Variants in INTS8 observed in about 807,000 individuals in gnomAD.
INTS8 encodes protein kaonashi-1.
INTS8 carries 47 observed loss-of-function variants against 138.9 expected under a neutral mutation model. The ratio of observed to expected loss-of-function variants is 0.34; its 90% CI spans 0.27 to 0.43. INTS8 has a LOEUF of 0.43. Ranked by LOEUF, INTS8 falls within the 20% of genes least tolerant of loss-of-function variation. INTS8 has a pLI of 1.00. For missense variants in INTS8, 996 were observed against 1,173.0 expected (o/e 0.85, Z 2.20); for synonymous variants, 392 against 400.9 (o/e 0.98, Z 0.27).
At position 94,849,517 on chromosome 8, in the gene INTS8, T is replaced by C; in HGVS notation, c.1316T>C (p.Met439Thr). ...GCTTCAGAGTCTTTGAAAGGAAACA[T>C]GGCTGCTTTTCTAAAGTAAGTACCT... ...EKASESLKGN[M>T]AAFLKNVCLG... The change falls in exon 11 of 27, where the codon ATG becomes ACG. Residue 439 changes from methionine to threonine, a missense_variant. By Grantham distance (81) the Met-to-Thr change is moderately conservative. Coordinates refer to ENST00000523731, the MANE Select transcript of INTS8 (RefSeq NM_017864.4). 1 of 1,561,256 alleles carries C rather than the reference T, an allele frequency of 6.4e-7. No individual in the cohort carries two copies.
chr8:94,872,150 C>T, intron 21 of INTS8, 148 bp downstream of exon 21: 1 of 550,516 alleles, frequency 1.8e-6, no homozygotes, highest in Non-Finnish European at 3.2e-6. Flanking sequence ...AGTATTTGTA[C>T]TTTTTTTTAG....
rs1816765064 is a variant in INTS8 at position 94,880,458 on chromosome 8, T to G, written c.*224T>G. ...AGGGAGAAGAGATTCACATATCTGA[T>G]AACAAAATAAACTAGCAATCTAGTT... is the stretch of plus-strand genomic sequence containing the variant. On this transcript the variant is annotated 3_prime_UTR_variant, in exon 27 of 27. Transcript: ENST00000523731. The G allele has an allele frequency of 3.1e-6, 1 of 324,198 alleles. No individual in the cohort carries two copies. The highest frequency in any genetic ancestry group is 5.5e-6 in the Non-Finnish European group (1 of 181,106). The allele number at this position is 324,198 out of a possible 1,614,324, so 20.1% of individuals were successfully genotyped here.
intron 15 of INTS8, among the ~76,000 whole-genome samples, chr8:94,857,233 T>A (rs906916723): frequency 2.0e-5 from 3 of 151,936 alleles, no homozygotes; most frequent in Admixed American, 6.6e-5. Flanking sequence ...CCATCATGCC[T>A]GGCTAATTTT....
intron 10 of INTS8, among the ~76,000 whole-genome samples, chr8:94,847,671 T>C (rs1815380622): frequency 6.6e-6 from 1 of 152,158 alleles, no homozygotes; most frequent in South Asian, 2.1e-4. Flanking sequence ...TTAAAGCATC[T>C]ACAGAGATGC....
At chr8:94,878,440 A>C (rs1166768631) in intron 26 of INTS8, among the ~76,000 whole-genome samples, 1 of 152,192 alleles carries the variant, frequency 6.6e-6, no homozygotes, top group East Asian at 1.9e-4. Context: ...GCTAGCTTAA[A>C]ATTCCTATTT....
chr8:94,823,601 A>C, intron 1 of INTS8, 40 bp downstream of exon 1: 2 of 1,460,474 alleles, frequency 1.4e-6, no homozygotes, highest in Non-Finnish European at 9.2e-7. Context: ...GGACCCGGCC[A>C]CCGGCGCTGT....
chr8:94,828,166 A>G (rs1184460064), intron 4 of INTS8, among the ~76,000 whole-genome samples: 4 of 151,838 alleles, frequency 2.6e-5, no homozygotes, highest in African/African-American at 7.3e-5. Context: ...CAGCCTCCCA[A>G]GTAGCTGGGA....
intron 14 of INTS8, among the ~76,000 whole-genome samples, chr8:94,855,837 G>C (rs1815727589): frequency 6.6e-6 from 1 of 152,248 alleles, no homozygotes; most frequent in Admixed American, 6.5e-5. Flanking sequence ...TCGAGAGTCA[G>C]AGAACAAGTG....
Position 94,849,408 on chromosome 8 carries a change from A to T in INTS8, c.1261-54A>T, listed in dbSNP as rs1586494701. The T allele has an allele frequency of 2.0e-5, 18 of 905,630 alleles. No individual in the cohort carries two copies. In the East Asian group the frequency reaches 4.3e-4, roughly 22 times the overall value. The allele number at this position is 905,630 out of a possible 1,614,324, so 56.1% of individuals were successfully genotyped here. ...TTTAAATCCAGCCTTTTCAAATTAT[A>T]ATTTACATTTTTATAAGTACCCATA... is the stretch of plus-strand genomic sequence containing the variant. On this transcript the variant is annotated intron_variant, in intron 10 of 26. Transcript: ENST00000523731.
intron 20 of INTS8, chr8:94,868,660 T>G (rs1443596595): frequency 6.6e-6 from 1 of 151,358 alleles, no homozygotes; most frequent in African/African-American, 2.4e-5. Flanking sequence ...TTTCTTTTCT[T>G]TTCTTTTCTC....
At chr8:94,848,238 C>G (rs1254544909) in intron 10 of INTS8, among the ~76,000 whole-genome samples, 2 of 152,082 alleles carry the variant, frequency 1.3e-5, no homozygotes, top group Non-Finnish European at 2.9e-5. Context: ...ATCTGGAACT[C>G]TTGACCTCAG....
rs199760556 is a variant in INTS8, at chr8:94,873,522, A to G, written c.2637+45A>G. 2,192 of 1,246,300 alleles carry G rather than the reference A, an allele frequency of 1.8e-3. 7 individuals carry two copies. Among genetic ancestry groups the G allele is most frequent in the Non-Finnish European group, 2.4e-3 (2,024 of 847,896 alleles). The allele number at this position is 1,246,300 out of a possible 1,614,324, so 77.2% of individuals were successfully genotyped here. A position where few individuals can be genotyped will look rare whatever the true frequency, so the allele number is the denominator to read the frequency against. ...TGGCTGGTTTCTTGCCTACCTGTAT[A>G]TGTTCTTCCTGGGTCCCCTTTTGGC... On this transcript the variant is annotated intron_variant, in intron 22 of 26. Transcript: ENST00000523731.
At position 94,873,663 on chromosome 8, in the gene INTS8, C is replaced by G. The variant is rs147549525; in HGVS notation, c.2637+186C>G. ...TCTAGCACCTATTGCTGTCTTGATT[C>G]CCCCAAAACACCTCAAATTCAACTT... On this transcript the variant is annotated intron_variant, in intron 22 of 26. Coordinates refer to ENST00000523731, the MANE Select transcript of INTS8 (RefSeq NM_017864.4). 64 of 521,790 alleles carry G rather than the reference C, an allele frequency of 1.2e-4. 1 individual carries two copies. The Middle Eastern group carries it at 1.3e-3, about 11-fold the overall frequency. The allele number at this position is 521,790 out of a possible 1,614,324, so 32.3% of individuals were successfully genotyped here. A position where few individuals can be genotyped will look rare whatever the true frequency, so the allele number is the denominator to read the frequency against.
intron 6 of INTS8, among the ~76,000 whole-genome samples, chr8:94,836,150 A>G (rs1268287115): frequency 6.6e-6 from 1 of 152,138 alleles, no homozygotes; most frequent in Non-Finnish European, 1.5e-5. Flanking sequence ...TGCTGCTTTC[A>G]GGGTCTGGTC....
At chr8:94,865,457 G>A in intron 16 of INTS8, 49 bp from the exon 17 acceptor site, 1 of 1,457,668 alleles carries the variant, frequency 6.9e-7, no homozygotes, top group Non-Finnish European at 9.5e-7. Context: ...GAACTAATGT[G>A]CACGACATTA....
At chr8:94,830,404 G>C (rs1814669180) in intron 5 of INTS8, among the ~76,000 whole-genome samples, 1 of 152,200 alleles carries the variant, frequency 6.6e-6, no homozygotes, top group South Asian at 2.1e-4. Context: ...GGAAGCCAAA[G>C]CCTACATCAT....
chr8:94,829,157 C>CG (rs1169765428), intron 5 of INTS8, 131 bp downstream of exon 5: 5 of 648,952 alleles, frequency 7.7e-6, no homozygotes, highest in Non-Finnish European at 8.1e-6. Flanking sequence ...GTGTGGGGGG[C>CG]GGGGGGCGAG....
chr8:94,834,142 A>T (rs1814830293), intron 6 of INTS8, among the ~76,000 whole-genome samples: 1 of 152,128 alleles, frequency 6.6e-6, no homozygotes, highest in Non-Finnish European at 1.5e-5. Context: ...TTTTTCCCCC[A>T]ATAAAACCAG....
At chr8:94,832,219 A>G in intron 6 of INTS8, 45 bp downstream of exon 6, 1 of 1,427,954 alleles carries the variant, frequency 7.0e-7, no homozygotes, top group Non-Finnish European at 9.7e-7. Flanking sequence ...TTTTTGGAAA[A>G]TCTTAATATG....
Sources: gnomAD v4.1 joint callset for allele counts (sites outside exome capture counted in the v4.1 genomes callset) on GRCh38, gnomAD v4.1.1 for gene constraint, MANE v1.5 for transcripts, NCBI Gene and HGNC (gene_info 2026-07-23, HGNC 2026-07-21) for gene names.